The following PDE8B variants were observed in gnomAD, a reference collection of about 807,000 sequenced individuals.
The protein encoded by PDE8B is phosphodiesterase 8B, also known as high affinity cAMP-specific and IBMX-insensitive 3',5'-cyclic phosphodiesterase 8B.
In PDE8B, 26 loss-of-function variants were observed where a neutral mutation model predicts 101.3. The ratio of observed to expected loss-of-function variants is 0.26; its 90% CI spans 0.19 to 0.36. The LOEUF is 0.36. PDE8B is among the 10% of genes least tolerant of loss of function. PDE8B has a pLI of 1.00. For synonymous variants in PDE8B, 424 were observed against 429.3 expected (o/e 0.99, Z 0.15); for missense variants, 810 against 1,163.1 (o/e 0.70, Z 4.42).
the PDE8B span, among the ~76,000 whole-genome samples, chr5:77,152,401 C>T: frequency 2.0e-4 from 30 of 152,286 alleles, no homozygotes; most frequent in South Asian, 6.2e-4. Flanking sequence ...CAGTGGGGTG[C>T]GCTGATTCTA....
intron 1 of PDE8B, chr5:77,290,382 A>G (rs961941401): frequency 7.2e-7 from 1 of 1,391,226 alleles, no homozygotes; most frequent in Non-Finnish European, 1.0e-6. Context: ...AGAGGTTATT[A>G]TGACCTGTTG....
At chr5:77,258,307 A>G (rs796583350) in intron 1 of PDE8B, among the ~76,000 whole-genome samples, 29 of 150,806 alleles carry the variant, frequency 1.9e-4, no homozygotes, top group African/African-American at 6.8e-4. Context: ...AAAAAAAAAA[A>G]AAAGGAACCC....
chr5:77,408,796 G>GTTA, intron 13 of PDE8B, 97 bp from the exon 14 acceptor site: 1 of 956,948 alleles, frequency 1.0e-6, no homozygotes. Context: ...ATAAGAGATG[G>GTTA]TTACCCACTG....
At chr5:77,117,547 AG>A in the PDE8B span, among the ~76,000 whole-genome samples, 1 of 152,006 alleles carries the variant, frequency 6.6e-6, no homozygotes, top group Non-Finnish European at 1.5e-5. Context: ...AGGAGTGGAG[AG>A]GTGTTTAGGG....
At chr5:77,418,774 C>T (rs1304151483) in intron 18 of PDE8B, among the ~76,000 whole-genome samples, 1 of 152,146 alleles carries the variant, frequency 6.6e-6, no homozygotes, top group African/African-American at 2.4e-5. Flanking sequence ...ATGTATCCAC[C>T]CCCATTTTTC....
At chr5:77,292,163 T>A (rs1010561079) in intron 1 of PDE8B, among the ~76,000 whole-genome samples, 1 of 152,136 alleles carries the variant, frequency 6.6e-6, no homozygotes, top group South Asian at 2.1e-4. Flanking sequence ...CAAATATCTG[T>A]GAGTGTTGGT....
At chr5:77,418,969 C>T (rs1796105058) in intron 18 of PDE8B, among the ~76,000 whole-genome samples, 1 of 152,116 alleles carries the variant, frequency 6.6e-6, no homozygotes, top group Admixed American at 6.5e-5. Flanking sequence ...CACACAGCAC[C>T]AGCCAGGCTG....
At chr5:77,110,312 A>T in the PDE8B span, among the ~76,000 whole-genome samples, 4 of 152,060 alleles carry the variant, frequency 2.6e-5, no homozygotes, top group African/African-American at 9.7e-5. Flanking sequence ...AAATCAGGAG[A>T]TGTCACTTTA....
chr5:77,381,151 C>T (rs531977862), intron 10 of PDE8B, among the ~76,000 whole-genome samples: 27 of 152,250 alleles, frequency 1.8e-4, no homozygotes, highest in African/African-American at 6.5e-4. Context: ...GGAATTGACC[C>T]TAAGACCAAC....
In PDE8B at chr5:77,427,417, AAG is replaced by A. The variant is rs768495981; in HGVS notation, c.*864_*865del. On this transcript the variant is annotated 3_prime_UTR_variant, in exon 22 of 22. Coordinates refer to ENST00000264917, the MANE Select transcript of PDE8B (RefSeq NM_003719.5). ...AGCTTTTCTTAAAAAAAAAAAAAAA[AAG>A]TTTATATACATGTTTAAAATTTTTA... 20 of 116,794 alleles carry A rather than the reference AAG, an allele frequency of 1.7e-4. No homozygotes were observed. In the South Asian group the frequency reaches 2.2e-3, roughly 13 times the overall value. 7.2% of individuals were successfully genotyped at this position (116,794 alleles called of 1,614,324 possible).
Position 77,223,457 on chromosome 5 carries a change from G to C in PDE8B, c.339+12193G>C, listed in dbSNP as rs191394087. On this transcript the variant is annotated intron_variant, in intron 1 of 21. Coordinates refer to ENST00000264917, the MANE Select transcript of PDE8B (RefSeq NM_003719.5). ...CTGGAATGTATTTTACAATTACACTGCATCTCAGTAGGGACTACCCACATC... is the reference window on the plus strand; with the variant it reads ...CTGGAATGTATTTTACAATTACACTCCATCTCAGTAGGGACTACCCACATC... Among the ~76,000 whole-genome samples, 102 of 138,362 alleles carry C rather than the reference G, an allele frequency of 7.4e-4. 1 individual carries two copies. The highest frequency in any genetic ancestry group is 2.6e-3 in the African/African-American group (95 of 36,460). 90.8% of individuals were successfully genotyped at this position (138,362 alleles called of 152,430 possible). A position where few individuals can be genotyped will look rare whatever the true frequency, so the allele number is the denominator to read the frequency against.
At chr5:77,404,650 A>G (rs1363783090) in intron 11 of PDE8B, 70 bp from the exon 12 acceptor site, 2 of 913,952 alleles carry the variant, frequency 2.2e-6, no homozygotes, top group African/African-American at 1.6e-5. Flanking sequence ...TAAAGAAAAA[A>G]CATGTTTGAA....
intron 10 of PDE8B, among the ~76,000 whole-genome samples, chr5:77,379,603 G>C (rs1030370719): frequency 6.6e-6 from 1 of 152,174 alleles, no homozygotes; most frequent in Non-Finnish European, 1.5e-5. Context: ...GCAACAGCTT[G>C]TGGGTGGCTT....
chr5:77,379,881 G>GGGTC (rs1449446300), intron 10 of PDE8B, among the ~76,000 whole-genome samples: 1 of 152,166 alleles, frequency 6.6e-6, no homozygotes, highest in Non-Finnish European at 1.5e-5. Flanking sequence ...AATGAAGGGA[G>GGGTC]GGTCTCAAAT....
At chr5:77,154,203 C>T in the PDE8B span, among the ~76,000 whole-genome samples, 1 of 152,170 alleles carries the variant, frequency 6.6e-6, no homozygotes, top group Non-Finnish European at 1.5e-5. Context: ...TGCTGATGGT[C>T]CTGTAGCCAC....
the PDE8B span, among the ~76,000 whole-genome samples, chr5:77,108,497 G>A: frequency 6.6e-6 from 1 of 152,094 alleles, no homozygotes; most frequent in Non-Finnish European, 1.5e-5. Flanking sequence ...AGCCTGGGCA[G>A]CATGGCGAAA....
In PDE8B at chr5:77,380,929, G is replaced by C. The variant is rs534218809; in HGVS notation, c.1168-19319G>C. Among the ~76,000 whole-genome samples, 46 of 152,336 alleles carry C rather than the reference G, an allele frequency of 3.0e-4. No homozygotes were observed. The South Asian group carries it at 9.1e-3, about 30-fold the overall frequency. On this transcript the variant is annotated intron_variant, in intron 10 of 21. Coordinates refer to ENST00000264917, the MANE Select transcript of PDE8B (RefSeq NM_003719.5). ...CTGGAAGACAAATAGGCAGAGGAAA[G>C]ACTGTGGACTGGGAAGCTTCCCAAG...
At chr5:77,378,891 T>C (rs1786888538) in intron 10 of PDE8B, among the ~76,000 whole-genome samples, 1 of 152,238 alleles carries the variant, frequency 6.6e-6, no homozygotes, top group Admixed American at 6.5e-5. Context: ...TATATCATCT[T>C]TCCATACTAG....
At chr5:77,274,446 TATTC>T (rs1287613735) in intron 1 of PDE8B, among the ~76,000 whole-genome samples, 2 of 152,254 alleles carry the variant, frequency 1.3e-5, no homozygotes, top group Non-Finnish European at 2.9e-5. Context: ...TCCACTGACA[TATTC>T]ATTCATTCCA....
Sources: gnomAD v4.1 joint callset for allele counts (sites outside exome capture counted in the v4.1 genomes callset) on GRCh38, gnomAD v4.1.1 for gene constraint, MANE v1.5 for transcripts, NCBI Gene and HGNC (gene_info 2026-07-23, HGNC 2026-07-21) for gene names.